The following PASD1 variants were observed in gnomAD, a reference collection of about 807,000 sequenced individuals.
PASD1 encodes PAS domain containing repressor 1, also known as circadian clock protein PASD1.
PASD1 carries 13 observed loss-of-function variants against 58.8 expected under a neutral mutation model. That is an observed-to-expected ratio of 0.22 (90% CI 0.14 to 0.35). The LOEUF is 0.35. Among genes scored for constraint, PASD1 ranks in the 10% least tolerant of loss-of-function variants. The pLI is 1.00. For missense variants in PASD1, 734 were observed against 568.3 expected, an observed-to-expected ratio of 1.29 and a Z score of -2.96; for synonymous variants, 236 against 216.7, an observed-to-expected ratio of 1.09 and a Z score of -0.78.
At chrX:151,582,128 A>G (rs1332929551) in intron 1 of PASD1, among the ~76,000 whole-genome samples, 1 of 108,725 alleles carries the variant, frequency 9.2e-6, no homozygotes, top group East Asian at 2.9e-4. Context: ...CTGGGATTAC[A>G]GGTGTGTGTC....
intron 9 of PASD1, among the ~76,000 whole-genome samples, chrX:151,651,717 CT>C (rs1481028306): frequency 8.9e-6 from 1 of 112,415 alleles, no homozygotes; most frequent in East Asian, 2.8e-4. Flanking sequence ...GAAAACTAAA[CT>C]GTATTAAGAG....
chrX:151,604,326 A>T (rs1469086194), intron 2 of PASD1, among the ~76,000 whole-genome samples: 1 of 111,825 alleles, frequency 8.9e-6, no homozygotes, highest in African/African-American at 3.3e-5. Flanking sequence ...CTGGCAGATT[A>T]TGGATACTGG....
At chrX:151,666,595 T>C (rs1230568303) in intron 11 of PASD1, among the ~76,000 whole-genome samples, 1 of 98,814 alleles carries the variant, frequency 1.0e-5, no homozygotes, top group East Asian at 3.2e-4. Context: ...CCAAGTGTTC[T>C]CATTGTTCAA....
intron 8 of PASD1, among the ~76,000 whole-genome samples, chrX:151,647,379 G>T (rs1229142454): frequency 9.0e-6 from 1 of 110,591 alleles, no homozygotes; most frequent in Non-Finnish European, 1.9e-5. Flanking sequence ...TAGGAATTTT[G>T]TTTTTAAATA....
At chrX:151,609,530 A>G (rs1478931934) in intron 3 of PASD1, among the ~76,000 whole-genome samples, 3 of 111,732 alleles carry the variant, frequency 2.7e-5, no homozygotes, top group Non-Finnish European at 5.7e-5. Flanking sequence ...CAATTTGGCT[A>G]TCCTAGGAAC....
chrX:151,617,125 C>T (rs148836641), intron 4 of PASD1, among the ~76,000 whole-genome samples: 1,151 of 111,385 alleles, frequency 0.01, 18 homozygotes, highest in African/African-American at 0.036. Context: ...GAAAAACCAC[C>T]TTAGTTTTTC....
intron 10 of PASD1, among the ~76,000 whole-genome samples, chrX:151,661,154 C>CAA (rs36030616): frequency 5.9e-4 from 56 of 94,261 alleles, no homozygotes; most frequent in African/African-American, 1.6e-3. Flanking sequence ...GACTCCGTCT[C>CAA]AAAAAAAAAA....
chrX:151,629,301 G>T (rs2013836161), intron 8 of PASD1, among the ~76,000 whole-genome samples: 1 of 110,403 alleles, frequency 9.1e-6, no homozygotes, highest in Non-Finnish European at 1.9e-5. Flanking sequence ...TATATTTTTA[G>T]TAGGGACGGG....
chrX:151,574,755 T>A (rs1310708225), intron 1 of PASD1, among the ~76,000 whole-genome samples: 2 of 112,343 alleles, frequency 1.8e-5, no homozygotes, highest in Non-Finnish European at 3.8e-5. Flanking sequence ...TTGCCTAAAG[T>A]GAAGCAAGTC....
intron 5 of PASD1, among the ~76,000 whole-genome samples, chrX:151,621,265 G>A (rs1418755193): frequency 9.0e-6 from 1 of 111,449 alleles, no homozygotes; most frequent in Non-Finnish European, 1.9e-5. Context: ...TTGCATTAGT[G>A]CTATATAAAT....
chrX:151,672,151 A>G lies in PASD1; in HGVS notation c.1438-32A>G, dbSNP rs1231500993. On this transcript the variant is annotated intron_variant, in intron 13 of 15. Transcript: ENST00000370357. ...TTTCTGGGAGGCTCTTGCAGACACC[A>G]GGGTGCTTTTATCTGTTGCCTTTCG... 2.7e-6 allele frequency: 3 copies of G among 1,131,706 alleles called. No homozygotes were observed. The African/African-American group carries it at 5.6e-5, about 21-fold the overall frequency. 93.3% of individuals were successfully genotyped at this position (1,131,706 alleles called of 1,213,427 possible).
chrX:151,580,396 T>C (rs998151543), intron 1 of PASD1, among the ~76,000 whole-genome samples: 1 of 111,890 alleles, frequency 8.9e-6, no homozygotes, highest in Admixed American at 9.5e-5. Context: ...AACGAGTCTC[T>C]ACTTTTTATA....
chrX:151,600,110 G>T (rs781369097), intron 1 of PASD1, among the ~76,000 whole-genome samples: 1 of 111,982 alleles, frequency 8.9e-6, no homozygotes, highest in Non-Finnish European at 1.9e-5. Flanking sequence ...CAAAAAATAC[G>T]AAAACCAGTC....
rs2014287154 is a variant in PASD1, at chrX:151,659,726, T to C, written c.731T>C (p.Ile244Thr). The stretch of plus-strand genomic sequence containing the variant: ...GGAAATGTACAGGACCAAATTGATA[T>C]TGCAGAGGTTGAGCAGTATGGACCA... Reference protein sequence around the residue: ...AAAISDDQIDIAEVEQYGPQE... With the variant: ...AAAISDDQIDTAEVEQYGPQE... Residue 244 changes from isoleucine to threonine, a missense_variant, in exon 10 of 16, where the codon ATT (isoleucine) becomes ACT (threonine). Physicochemically the swap from Ile to Thr is moderately conservative, Grantham distance 89. Transcript: ENST00000370357. 5.0e-6 allele frequency: 6 copies of C among 1,202,510 alleles called. No individual in the cohort carries two copies. The highest frequency in any genetic ancestry group is 6.8e-6 in the Non-Finnish European group (6 of 888,372).
chrX:151,581,880 G>A (rs1330601243), intron 1 of PASD1, among the ~76,000 whole-genome samples: 1 of 110,373 alleles, frequency 9.1e-6, no homozygotes, highest in East Asian at 2.8e-4. Flanking sequence ...GAAATAGATA[G>A]GATAGAGTTA....
intron 11 of PASD1, among the ~76,000 whole-genome samples, chrX:151,665,570 T>C (rs980031438): frequency 4.5e-5 from 5 of 110,990 alleles, no homozygotes; most frequent in Admixed American, 1.9e-4. Context: ...AAGGGAAGAA[T>C]GGGAAGGGAC....
At position 151,672,168 on chromosome X, in the gene PASD1, T is replaced by C; in HGVS notation, c.1438-15T>C. On this transcript the variant is annotated splice_polypyrimidine_tract_variant and intron_variant, in intron 13 of 15. Transcript: ENST00000370357. ...CAGACACCAGGGTGCTTTTATCTGT[T>C]GCCTTTCGATGCAGCAGCAACTGGT... 8.8e-7 allele frequency: 1 copy of C among 1,140,524 alleles called. No homozygotes were observed. 94.0% of individuals were successfully genotyped at this position (1,140,524 alleles called of 1,213,427 possible).
intron 8 of PASD1, among the ~76,000 whole-genome samples, chrX:151,637,583 T>G (rs1602947599): frequency 9.0e-6 from 1 of 111,166 alleles, no homozygotes; most frequent in Non-Finnish European, 1.9e-5. Flanking sequence ...ACCATGTTGG[T>G]CTCAACCTCC....
At chrX:151,590,308 G>A (rs2013226484) in intron 1 of PASD1, among the ~76,000 whole-genome samples, 1 of 112,125 alleles carries the variant, frequency 8.9e-6, no homozygotes, top group African/African-American at 3.2e-5. Context: ...TCAGCCCTGA[G>A]ATATGTAAGT....
Sources: gnomAD v4.1 joint callset for allele counts (sites outside exome capture counted in the v4.1 genomes callset) on GRCh38, gnomAD v4.1.1 for gene constraint, MANE v1.5 for transcripts, NCBI Gene and HGNC (gene_info 2026-07-23, HGNC 2026-07-21) for gene names.